NCOA5: variants seen among roughly 807,000 people sequenced by gnomAD.
NCOA5 encodes the protein NCoA-5.
NCOA5 carries 12 observed loss-of-function variants against 59.0 expected under a neutral mutation model. That is an observed-to-expected ratio of 0.20 (90% confidence interval 0.13 to 0.33). The LOEUF is 0.33. Among genes scored for constraint, NCOA5 ranks in the 10% least tolerant of loss-of-function variants. The pLI is 1.00. For synonymous variants in NCOA5, 270 were observed against 275.5 expected (o/e 0.98, Z 0.20); for missense variants, 655 against 766.6 (o/e 0.85, Z 1.72).
intron 2 of NCOA5, among the ~76,000 whole-genome samples, chr20:46,074,754 T>A (rs2145540626): frequency 6.6e-6 from 1 of 152,262 alleles, no homozygotes; most frequent in South Asian, 2.1e-4. Context: ...GCCTACAGAG[T>A]AAGAACTGAT....
At chr20:46,079,295 G>A in intron 2 of NCOA5, 92 bp downstream of exon 2, 1 of 1,213,920 alleles carries the variant, frequency 8.2e-7, no homozygotes, top group Non-Finnish European at 1.2e-6. Flanking sequence ...TCACTTGTTG[G>A]GGGGAAGAAA....
chr20:46,086,993 T>C (rs1444508346), intron 1 of NCOA5, among the ~76,000 whole-genome samples: 1 of 152,222 alleles, frequency 6.6e-6, no homozygotes, highest in Non-Finnish European at 1.5e-5. Flanking sequence ...TCTCCAATGA[T>C]GTCTTGAATA....
At chr20:46,077,058 C>T (rs1321480538) in intron 2 of NCOA5, among the ~76,000 whole-genome samples, 1 of 152,152 alleles carries the variant, frequency 6.6e-6, no homozygotes, top group Non-Finnish European at 1.5e-5. Flanking sequence ...GCTGGGAGTA[C>T]AGGCAAGAGC....
At chr20:46,083,817 C>T (rs954718467) in intron 1 of NCOA5, among the ~76,000 whole-genome samples, 8 of 152,198 alleles carry the variant, frequency 5.3e-5, no homozygotes, top group African/African-American at 1.2e-4. Context: ...CAGGACTTCT[C>T]GCTAAACTAT....
chr20:46,077,497 G>T (rs2084949700), intron 2 of NCOA5, among the ~76,000 whole-genome samples: 1 of 152,078 alleles, frequency 6.6e-6, no homozygotes, highest in Non-Finnish European at 1.5e-5. Flanking sequence ...AACAGAAACA[G>T]GATCTATTCT....
chr20:46,067,197 A>T lies in NCOA5; in HGVS notation c.503-16T>A. On this transcript the variant is annotated splice_polypyrimidine_tract_variant and intron_variant, in intron 4 of 7. Coordinates refer to ENST00000290231, the MANE Select transcript of NCOA5 (RefSeq NM_020967.3). Reference sequence around the variant, plus strand: ...TTCAAACGCTCTGCAAAACACCACCAGGGTAAACTGAAATAAGGACTGGAC... The same window carrying T: ...TTCAAACGCTCTGCAAAACACCACCTGGGTAAACTGAAATAAGGACTGGAC... 6.2e-7 allele frequency: 1 copy of T among 1,609,706 alleles called. No homozygotes were observed. The highest frequency in any genetic ancestry group is 8.5e-7 in the Non-Finnish European group (1 of 1,178,556).
In NCOA5 at chr20:46,070,549, G is replaced by A. The variant is rs1344544832; in HGVS notation, c.39-13C>T. 2 of 1,606,230 alleles carry A rather than the reference G, an allele frequency of 1.2e-6. No individual in the cohort carries two copies. Among genetic ancestry groups the A allele is most frequent in the South Asian group, 1.1e-5 (1 of 90,944 alleles). On this transcript the variant is annotated splice_polypyrimidine_tract_variant and intron_variant, in intron 2 of 7. Coordinates refer to ENST00000290231, the MANE Select transcript of NCOA5 (RefSeq NM_020967.3). ...GCCATATGGATCCCTGTGGGAGGTA[G>A]CAAGAAAATGCTAAGACAAAGAAAT...
chr20:46,064,213 C>T (rs2084797482), intron 6 of NCOA5, among the ~76,000 whole-genome samples: 2 of 152,232 alleles, frequency 1.3e-5, no homozygotes, highest in South Asian at 4.1e-4. Context: ...AGTGAGAGGA[C>T]TCCTTAGAAC....
intron 2 of NCOA5, among the ~76,000 whole-genome samples, chr20:46,070,894 T>C (rs900915374): frequency 1.3e-5 from 2 of 151,686 alleles, no homozygotes; most frequent in Admixed American, 1.3e-4. Flanking sequence ...GCAAGACTCA[T>C]GAAGAAAAAA....
At chr20:46,075,554 A>C (rs981002537) in intron 2 of NCOA5, among the ~76,000 whole-genome samples, 5 of 152,234 alleles carry the variant, frequency 3.3e-5, no homozygotes, top group Admixed American at 6.5e-5. Flanking sequence ...ATGGGGAAAA[A>C]TCCTCTGCAG....
At chr20:46,072,760 C>G (rs910633596) in intron 2 of NCOA5, among the ~76,000 whole-genome samples, 2 of 152,206 alleles carry the variant, frequency 1.3e-5, no homozygotes, top group African/African-American at 4.8e-5. Context: ...TCAAAGTTTA[C>G]TTTCTGCCCC....
chr20:46,068,418 G>C (rs974047688), intron 4 of NCOA5, 84 bp downstream of exon 4: 3 of 1,431,120 alleles, frequency 2.1e-6, no homozygotes, highest in African/African-American at 1.4e-5. Context: ...CCCTTTTTCA[G>C]ATGGGGGTAC....
At chr20:46,072,875 G>A (rs2084899041) in intron 2 of NCOA5, among the ~76,000 whole-genome samples, 1 of 152,164 alleles carries the variant, frequency 6.6e-6, no homozygotes, top group Admixed American at 6.5e-5. Flanking sequence ...AGTGCCACAA[G>A]GACAAGAACT....
chr20:46,073,361 T>C (rs746869176), intron 2 of NCOA5, among the ~76,000 whole-genome samples: 1 of 152,224 alleles, frequency 6.6e-6, no homozygotes, highest in Non-Finnish European at 1.5e-5. Flanking sequence ...AAACATATCA[T>C]AGACCAGGGA....
At chr20:46,064,768 C>A (rs980330069) in intron 6 of NCOA5, among the ~76,000 whole-genome samples, 4 of 152,176 alleles carry the variant, frequency 2.6e-5, no homozygotes, top group East Asian at 1.9e-4. Context: ...GCCCTCCCCC[C>A]ACACTGGAAC....
At chr20:46,082,246 TATCTA>T (rs1191254707) in intron 1 of NCOA5, among the ~76,000 whole-genome samples, 1 of 152,080 alleles carries the variant, frequency 6.6e-6, no homozygotes, top group Non-Finnish European at 1.5e-5. Flanking sequence ...AAAGACACAG[TATCTA>T]ATCTATAGTT....
chr20:46,070,143 A>T, intron 3 of NCOA5, 67 bp downstream of exon 3: 1 of 1,285,192 alleles, frequency 7.8e-7, no homozygotes, highest in Non-Finnish European at 1.1e-6. Flanking sequence ...CAGAGCTTTC[A>T]ATTAGTTTAG....
intron 2 of NCOA5, among the ~76,000 whole-genome samples, chr20:46,074,010 AAG>A (rs1376809443): frequency 6.6e-6 from 1 of 152,214 alleles, no homozygotes; most frequent in Non-Finnish European, 1.5e-5. Context: ...CAAAAGGAAA[AAG>A]AACCAAAGGC....
intron 5 of NCOA5, among the ~76,000 whole-genome samples, chr20:46,065,889 T>C (rs2084817744): frequency 6.6e-6 from 1 of 152,190 alleles, no homozygotes; most frequent in Non-Finnish European, 1.5e-5. Context: ...ATTTGCTGAA[T>C]GCTCATTTTT....
Sources: gnomAD v4.1 joint callset for allele counts (sites outside exome capture counted in the v4.1 genomes callset) on GRCh38, gnomAD v4.1.1 for gene constraint, MANE v1.5 for transcripts, NCBI Gene and HGNC (gene_info 2026-07-23, HGNC 2026-07-21) for gene names.